The following SVIL variants were observed in gnomAD, a reference collection of about 807,000 sequenced individuals.
SVIL encodes the protein supervillin.
In SVIL, 101 loss-of-function variants were observed where a neutral mutation model predicts 240.4. The observed-to-expected ratio is 0.42, with a 90% CI of 0.36 to 0.50. The LOEUF (loss-of-function observed/expected upper bound fraction) is 0.50. Among genes scored for constraint, SVIL ranks in the 20% least tolerant of loss-of-function variants. SVIL has a pLI of 0.01. For missense variants in SVIL, 2,512 were observed against 2,818.7 expected (o/e 0.89, Z 2.46); for synonymous variants, 999 against 1,100.0 (o/e 0.91, Z 1.82).
intron 1 of SVIL, among the ~76,000 whole-genome samples, chr10:29,589,142 A>C (rs1956286862): frequency 6.6e-6 from 1 of 152,240 alleles, no homozygotes; most frequent in Non-Finnish European, 1.5e-5. Context: ...AAAGGGAAAA[A>C]AAACAAGGAT....
At chr10:29,649,668 G>A (rs889887523) in intron 3 of SVIL, among the ~76,000 whole-genome samples, 5 of 151,984 alleles carry the variant, frequency 3.3e-5, no homozygotes, top group African/African-American at 7.3e-5. Context: ...GTGCATGGGC[G>A]TACACACACA....
At position 29,532,881 on chromosome 10, in the gene SVIL, C is replaced by A. The variant is rs761079560; in HGVS notation, c.1486G>T (p.Val496Leu). The change falls in exon 8 of 38, where the codon GTG becomes TTG. Residue 496 changes from valine (V) to leucine (L), a missense_variant. Val to Leu is a conservative substitution (Grantham distance 32). This residue lies in a region of SVIL where 1,443 missense variants were observed against 1,486.6 expected (regional missense o/e 0.97). Coordinates refer to ENST00000355867, the MANE Select transcript of SVIL (RefSeq NM_021738.3). ...TGCGGAGCTTGAGGGGGTTGTGCCACGTTTTCCAGTTCCTTCTGATGCTCT... is the reference window on the plus strand; with the variant it reads ...TGCGGAGCTTGAGGGGGTTGTGCCAAGTTTTCCAGTTCCTTCTGATGCTCT... ...TLEHQKELEN[V>L]AQPPQAPHQP... The A allele has an allele frequency of 6.2e-7, 1 of 1,614,090 alleles. No homozygotes were observed. The highest frequency in any genetic ancestry group is 8.5e-7 in the Non-Finnish European group (1 of 1,180,028).
chr10:29,624,436 G>C (rs1957787530), intron 1 of SVIL, among the ~76,000 whole-genome samples: 1 of 152,192 alleles, frequency 6.6e-6, no homozygotes, highest in South Asian at 2.1e-4. Context: ...TACTCAGGAG[G>C]CTGAGGCAGA....
chr10:29,615,176 C>T (rs559102209), intron 1 of SVIL, among the ~76,000 whole-genome samples: 79 of 152,168 alleles, frequency 5.2e-4, no homozygotes, highest in Middle Eastern at 3.4e-3. Flanking sequence ...AAGAAACAGA[C>T]CAAACAATTG....
At chr10:29,464,617 A>T (rs1182354565) in intron 34 of SVIL, among the ~76,000 whole-genome samples, 1 of 152,074 alleles carries the variant, frequency 6.6e-6, no homozygotes, top group Non-Finnish European at 1.5e-5. Context: ...ATTCTGTGAA[A>T]ACCACACTTT....
chr10:29,564,454 G>A (rs1310475012), intron 2 of SVIL, among the ~76,000 whole-genome samples: 3 of 152,144 alleles, frequency 2.0e-5, no homozygotes. Flanking sequence ...AGAGGGAACT[G>A]CAGTTCCTCA....
At chr10:29,662,137 C>T (rs960836641) in intron 2 of SVIL, among the ~76,000 whole-genome samples, 1 of 152,194 alleles carries the variant, frequency 6.6e-6, no homozygotes, top group Admixed American at 6.5e-5. Flanking sequence ...TTTCTCCAAC[C>T]TTTTTCCCTA....
Position 29,484,584 on chromosome 10 carries a change from T to A in SVIL, c.4955+72A>T, listed in dbSNP as rs570846303. The A allele has an allele frequency of 5.7e-6, 8 of 1,400,762 alleles. No individual in the cohort carries two copies. Among genetic ancestry groups the A allele is most frequent in the Non-Finnish European group, 5.8e-6 (6 of 1,035,606 alleles). 86.8% of individuals were successfully genotyped at this position (1,400,762 alleles called of 1,614,324 possible). A position where few individuals can be genotyped will look rare whatever the true frequency, so the allele number is the denominator to read the frequency against. On this transcript the variant is annotated intron_variant, in intron 27 of 37. Coordinates refer to ENST00000355867, the MANE Select transcript of SVIL (RefSeq NM_021738.3). The surrounding 1 kb of genome is among the most constrained non-coding windows in gnomAD (Gnocchi z 4.7). ...CCTATAAAGAGCGAGAGTAGAGGACTGTGGTGAGAACAGAGGGATCGAAGG... is the reference window on the plus strand; with the variant it reads ...CCTATAAAGAGCGAGAGTAGAGGACAGTGGTGAGAACAGAGGGATCGAAGG...
At chr10:29,608,941 A>G (rs1564697298) in intron 1 of SVIL, among the ~76,000 whole-genome samples, 1 of 152,172 alleles carries the variant, frequency 6.6e-6, no homozygotes, top group Non-Finnish European at 1.5e-5. Flanking sequence ...CTTTTGGCCA[A>G]TCAGACGGTG....
chr10:29,554,685 G>A, intron 5 of SVIL, 98 bp downstream of exon 5: 1 of 1,369,590 alleles, frequency 7.3e-7, no homozygotes. Flanking sequence ...ATTCACTTCT[G>A]TGGAATATCT....
At chr10:29,607,981 A>T (rs1679504645) in intron 1 of SVIL, among the ~76,000 whole-genome samples, 1 of 152,240 alleles carries the variant, frequency 6.6e-6, no homozygotes, top group South Asian at 2.1e-4. Context: ...TATGAGATTA[A>T]TGTAGATGCG....
chr10:29,617,499 T>C (rs1287083825), intron 1 of SVIL, among the ~76,000 whole-genome samples: 1 of 151,656 alleles, frequency 6.6e-6, no homozygotes, highest in African/African-American at 2.4e-5. Flanking sequence ...GAGAATCGCT[T>C]GAACCCGGAA....
chr10:29,568,883 G>C (rs1004992727), intron 2 of SVIL, among the ~76,000 whole-genome samples: 6 of 151,862 alleles, frequency 4.0e-5, no homozygotes, highest in Non-Finnish European at 8.8e-5. Flanking sequence ...AGGGAGCAGA[G>C]GAAGGAAGGA....
chr10:29,517,712 A>G (rs1463173366), intron 16 of SVIL, among the ~76,000 whole-genome samples: 1 of 152,192 alleles, frequency 6.6e-6, no homozygotes, highest in Non-Finnish European at 1.5e-5. Flanking sequence ...ATTCTGCAAC[A>G]GTTCAGGGAG....
chr10:29,662,692 T>C (rs905762362), intron 2 of SVIL, among the ~76,000 whole-genome samples: 1 of 152,118 alleles, frequency 6.6e-6, no homozygotes, highest in African/African-American at 2.4e-5. Flanking sequence ...CTGTCACATG[T>C]GTGAGGCAAG....
rs199941504 is a variant in SVIL, at chr10:29,486,164, C to T, written c.4700G>A (p.Arg1567His). 9.8e-5 allele frequency: 158 copies of T among 1,614,068 alleles called. No individual in the cohort carries two copies. The highest frequency in any genetic ancestry group is 1.6e-4 in the Middle Eastern group (1 of 6,082). Reference sequence around the variant, plus strand: ...AGGAACAAGTTTGTCATCCATGAGACGGTAAATGCAGTTAGTTTCTATTAT... The same window carrying T: ...AGGAACAAGTTTGTCATCCATGAGATGGTAAATGCAGTTAGTTTCTATTAT... ...AAIIETNCIY[R>H]LMDDKLVPDD... Residue 1567 changes from arginine (R) to histidine (H), a missense_variant, in exon 26 of 38, where the codon CGT becomes CAT. Physicochemically the swap from Arg to His is conservative, Grantham distance 29. Coordinates refer to ENST00000355867, the MANE Select transcript of SVIL (RefSeq NM_021738.3).
Position 29,532,625 on chromosome 10 carries a change from G to A in SVIL, c.1742C>T (p.Pro581Leu). ...GTCCAGCATGCTGATCTCCCCATAA[G>A]GCCCTTCGGTCTTGGAGCTGGGCAG... Reference protein sequence around the residue: ...LELPSSKTEGPYGEISMLDTK... With the variant: ...LELPSSKTEGLYGEISMLDTK... Residue 581 changes from proline (P) to leucine (L), a missense_variant, in exon 8 of 38, where the codon CCT (proline) becomes CTT (leucine). Around this residue, in one of 3 missense-constraint regions of SVIL, gnomAD observed 1,443 missense variants for 1,486.6 expected, o/e 0.97. Coordinates refer to ENST00000355867, the MANE Select transcript of SVIL (RefSeq NM_021738.3). 6.2e-7 allele frequency: 1 copy of A among 1,614,080 alleles called. No homozygotes were observed. The highest frequency in any genetic ancestry group is 2.2e-5 in the East Asian group (1 of 44,864).
intron 35 of SVIL, among the ~76,000 whole-genome samples, chr10:29,463,057 A>T (rs987343498): frequency 6.6e-6 from 1 of 152,238 alleles, no homozygotes; most frequent in African/African-American, 2.4e-5. Flanking sequence ...AATGAATAAT[A>T]AAAAGGTTGG....
At chr10:29,534,010 A>G (rs982521971) in intron 7 of SVIL, among the ~76,000 whole-genome samples, 1 of 152,250 alleles carries the variant, frequency 6.6e-6, no homozygotes, top group African/African-American at 2.4e-5. Context: ...GCACTCAACT[A>G]GACATTCACA....
Sources: allele counts gnomAD v4.1 joint callset (sites outside exome capture counted in the v4.1 genomes callset), GRCh38; gene constraint gnomAD v4.1.1; regional missense constraint gnomAD v4.1.1; non-coding constraint Gnocchi (gnomAD v3.1); transcripts MANE v1.5; gene names NCBI Gene and HGNC (gene_info 2026-07-23, HGNC 2026-07-21).